Variants in CA8 observed in about 807,000 individuals in gnomAD.
CA8 encodes carbonic anhydrase-related protein.
CA8 carries 22 observed loss-of-function variants against 41.4 expected under a neutral mutation model. The observed-to-expected ratio is 0.53, with a 90% confidence interval of 0.38 to 0.76. CA8 has a LOEUF of 0.76. CA8 is among the 30% of genes least tolerant of loss of function. The pLI, the probability that CA8 is intolerant of heterozygous loss-of-function variation, is 0.00. For missense variants in CA8, 270 were observed against 352.8 expected, an observed-to-expected ratio of 0.77 and a Z score of 1.88; for synonymous variants, 121 against 130.6, an observed-to-expected ratio of 0.93 and a Z score of 0.50.
chr8:60,214,934 A>G (rs931497116), intron 7 of CA8, among the ~76,000 whole-genome samples: 3 of 152,196 alleles, frequency 2.0e-5, no homozygotes, highest in African/African-American at 7.2e-5. Context: ...GAAAAAACAG[A>G]CATTTAATAT....
At chr8:60,193,041 A>C (rs1001952249) in intron 8 of CA8, among the ~76,000 whole-genome samples, 9 of 151,682 alleles carry the variant, frequency 5.9e-5, no homozygotes, top group Admixed American at 2.0e-4. Context: ...CTATATAGTA[A>C]ATCTGGTTGA....
intron 8 of CA8, among the ~76,000 whole-genome samples, chr8:60,194,038 G>T (rs756952355): frequency 6.6e-6 from 1 of 152,210 alleles, no homozygotes; most frequent in Non-Finnish European, 1.5e-5. Flanking sequence ...ATCTGTAGAA[G>T]TTCTCATTTC....
chr8:60,224,399 A>C lies in CA8; in HGVS notation c.625+138T>G, dbSNP rs916594065. The C allele has an allele frequency of 1.1e-5, 7 of 627,046 alleles. No individual in the cohort carries two copies. In the Admixed American group the frequency reaches 1.6e-4, roughly 15 times the overall value. 38.8% of individuals were successfully genotyped at this position (627,046 alleles called of 1,614,324 possible). On this transcript the variant is annotated intron_variant, in intron 6 of 8. Coordinates refer to ENST00000317995, the MANE Select transcript of CA8 (RefSeq NM_004056.6). Reference sequence around the variant, plus strand: ...ACTTCCATATTTAGAGTAATCTGGAAATGGTATCTGCTAAACAGAATACAA... The same window carrying C: ...ACTTCCATATTTAGAGTAATCTGGACATGGTATCTGCTAAACAGAATACAA...
intron 3 of CA8, among the ~76,000 whole-genome samples, chr8:60,255,308 A>G (rs2130562098): frequency 7.1e-6 from 1 of 141,772 alleles, no homozygotes; most frequent in African/African-American, 2.7e-5. Flanking sequence ...CTCTCGAATT[A>G]AGCTATGTCT....
At chr8:60,276,300 G>C (rs1408784999) in intron 2 of CA8, among the ~76,000 whole-genome samples, 1 of 152,196 alleles carries the variant, frequency 6.6e-6, no homozygotes, top group African/African-American at 2.4e-5. Context: ...GCGAGAAGAG[G>C]CTGTTAGGAG....
At chr8:60,219,929 TAAAAAAAAAAAAA>T (rs546162939) in intron 7 of CA8, among the ~76,000 whole-genome samples, 1 of 82,034 alleles carries the variant, frequency 1.2e-5, no homozygotes, top group Non-Finnish European at 2.3e-5. Context: ...AATCTTAACT[TAAAAAAAAAAAAA>T]AAAAAAAAAA....
chr8:60,225,950 T>G (rs1023788364), intron 5 of CA8, among the ~76,000 whole-genome samples: 1 of 152,168 alleles, frequency 6.6e-6, no homozygotes, highest in Non-Finnish European at 1.5e-5. Flanking sequence ...GGTGAAACCC[T>G]GTCTCTACTA....
intron 8 of CA8, among the ~76,000 whole-genome samples, chr8:60,200,803 C>G (rs1806402661): frequency 6.6e-6 from 1 of 152,240 alleles, no homozygotes; most frequent in Non-Finnish European, 1.5e-5. Context: ...TCCTTCTCAA[C>G]ACTCTCCAGA....
intron 7 of CA8, among the ~76,000 whole-genome samples, chr8:60,211,874 G>A (rs760465610): frequency 6.6e-6 from 1 of 152,198 alleles, no homozygotes; most frequent in African/African-American, 2.4e-5. Flanking sequence ...ACACTGAAAT[G>A]AGAGATTGTG....
rs574347061 is a variant in CA8 at position 60,211,186 on chromosome 8, G to C, written c.739-2267C>G. On this transcript the variant is annotated intron_variant, in intron 7 of 8. Coordinates refer to ENST00000317995, the MANE Select transcript of CA8 (RefSeq NM_004056.6). ...CAAGGATAGCCTAGGAAATAAGAAA[G>C]AACATTCATGAAAATCACTCAGCAT... is the stretch of plus-strand genomic sequence containing the variant. Among the ~76,000 whole-genome samples the C allele has an allele frequency of 3.9e-5, 6 of 152,256 alleles. No homozygotes were observed. In the South Asian group the frequency reaches 1.2e-3, roughly 32 times the overall value.
At chr8:60,232,503 A>G in intron 3 of CA8, 124 bp from the exon 4 acceptor site, 1 of 762,318 alleles carries the variant, frequency 1.3e-6, no homozygotes, top group Non-Finnish European at 2.4e-6. Context: ...GATCACAAGT[A>G]GACACAAACT....
intron 7 of CA8, among the ~76,000 whole-genome samples, chr8:60,211,964 C>T (rs1357471098): frequency 2.0e-5 from 3 of 152,124 alleles, no homozygotes; most frequent in Non-Finnish European, 4.4e-5. Context: ...TTCCAGAGAC[C>T]ATTATTATCA....
chr8:60,216,802 A>T (rs1285479870), intron 7 of CA8, among the ~76,000 whole-genome samples: 1 of 152,234 alleles, frequency 6.6e-6, no homozygotes, highest in Admixed American at 6.5e-5. Context: ...GAATCCTTAA[A>T]GGAATTCTAG....
chr8:60,278,223 A>G (rs1385546211), intron 2 of CA8, among the ~76,000 whole-genome samples: 1 of 152,208 alleles, frequency 6.6e-6, no homozygotes, highest in Non-Finnish European at 1.5e-5. Context: ...GCAGTGGAGT[A>G]TATGTGCTTA....
chr8:60,278,472 T>C (rs1164722114), intron 2 of CA8, among the ~76,000 whole-genome samples: 9 of 152,220 alleles, frequency 5.9e-5, no homozygotes. Flanking sequence ...ATGTACTTCT[T>C]TAAATTGCTT....
At chr8:60,275,757 C>A (rs185287927) in intron 2 of CA8, among the ~76,000 whole-genome samples, 1 of 152,218 alleles carries the variant, frequency 6.6e-6, no homozygotes, top group East Asian at 1.9e-4. Context: ...GCATATAGTG[C>A]AGAAACAATC....
At chr8:60,265,538 AG>A (rs1480227224) in intron 3 of CA8, 1 of 187,516 alleles carries the variant, frequency 5.3e-6, no homozygotes, top group African/African-American at 2.4e-5. Flanking sequence ...ATTTTAAACT[AG>A]CAAACCTACA....
At chr8:60,193,700 T>C (rs1208913516) in intron 8 of CA8, among the ~76,000 whole-genome samples, 1 of 152,200 alleles carries the variant, frequency 6.6e-6, no homozygotes, top group Non-Finnish European at 1.5e-5. Flanking sequence ...TGTTTGTTGC[T>C]TTGGTTTTTG....
rs1048318490 is a variant in CA8 at position 60,281,374 on chromosome 8, A to C, written c.-227T>G. On this transcript the variant is annotated 5_prime_UTR_variant, in exon 1 of 9. Coordinates refer to ENST00000317995, the MANE Select transcript of CA8 (RefSeq NM_004056.6). ...CGTGGGAAGCGCGTCCGGAGGCCCCAGCAGAGCGAGGGAGCGGCTGTGGCC... is the reference window on the plus strand; with the variant it reads ...CGTGGGAAGCGCGTCCGGAGGCCCCCGCAGAGCGAGGGAGCGGCTGTGGCC... The C allele has an allele frequency of 3.6e-6, 2 of 556,744 alleles. No individual in the cohort carries two copies. The highest frequency in any genetic ancestry group is 6.4e-6 in the Non-Finnish European group (2 of 312,282). The allele number at this position is 556,744 out of a possible 1,614,324, so 34.5% of individuals were successfully genotyped here.
Sources: allele counts gnomAD v4.1 joint callset (sites outside exome capture counted in the v4.1 genomes callset), GRCh38; gene constraint gnomAD v4.1.1; transcripts MANE v1.5; gene names NCBI Gene and HGNC (gene_info 2026-07-23, HGNC 2026-07-21).